Variants in SLC35F1 observed in about 807,000 individuals in gnomAD.
The protein encoded by SLC35F1 is solute carrier family 35 member F1.
SLC35F1 carries 14 observed loss-of-function variants against 48.7 expected under a neutral mutation model. That is an observed-to-expected ratio of 0.29 (90% CI 0.19 to 0.45). The LOEUF is 0.45. SLC35F1 is among the 20% of genes least tolerant of loss of function. The pLI is 1.00. For synonymous variants in SLC35F1, 190 were observed against 202.2 expected (o/e 0.94, Z 0.51); for missense variants, 404 against 500.0 (o/e 0.81, Z 1.83).
At chr6:118,046,207 TC>T (rs1014000523) in intron 1 of SLC35F1, among the ~76,000 whole-genome samples, 4 of 152,156 alleles carry the variant, frequency 2.6e-5, no homozygotes, top group African/African-American at 9.7e-5. Context: ...CATATACTAT[TC>T]ATTACCAAGT....
At chr6:118,078,285 C>G (rs12206104) in intron 1 of SLC35F1, among the ~76,000 whole-genome samples, 28,265 of 152,032 alleles carry the variant, frequency 0.19, 2,906 homozygotes, top group East Asian at 0.29. Flanking sequence ...GATAGAAAAC[C>G]TCATAGACCA....
At chr6:118,140,731 G>A (rs957245908) in intron 1 of SLC35F1, among the ~76,000 whole-genome samples, 5 of 151,976 alleles carry the variant, frequency 3.3e-5, no homozygotes, top group Non-Finnish European at 5.9e-5. Context: ...ACCTTCCAGT[G>A]GGACAAGATG....
chr6:118,099,019 C>G (rs2114360420), intron 1 of SLC35F1, among the ~76,000 whole-genome samples: 1 of 152,182 alleles, frequency 6.6e-6, no homozygotes, highest in African/African-American at 2.4e-5. Context: ...GCCGTAGATC[C>G]AAGGGAGAAA....
intron 2 of SLC35F1, among the ~76,000 whole-genome samples, chr6:118,156,079 A>G (rs990462261): frequency 6.6e-6 from 1 of 152,200 alleles, no homozygotes; most frequent in Non-Finnish European, 1.5e-5. Context: ...GGTGCTATCA[A>G]TGCTTGTTTT....
intron 1 of SLC35F1, among the ~76,000 whole-genome samples, chr6:118,004,790 C>T (rs1777152306): frequency 2.0e-5 from 3 of 151,922 alleles, no homozygotes. Flanking sequence ...CTCAAGTGAT[C>T]CTCCCGCCTT....
intron 4 of SLC35F1, among the ~76,000 whole-genome samples, chr6:118,271,009 T>C (rs1318128340): frequency 1.3e-5 from 2 of 152,208 alleles, no homozygotes; most frequent in Non-Finnish European, 2.9e-5. Context: ...TTATCAAAGA[T>C]GTTAGATGCC....
chr6:118,314,692 T>C lies in SLC35F1; in HGVS notation c.*440T>C. On this transcript the variant is annotated 3_prime_UTR_variant, in exon 8 of 8. Transcript: ENST00000360388. ...CAATTCACTTTTTAAGAGTCATACT[T>C]TATTTTTTTGCACAGACTATATGAG... The C allele has an allele frequency of 5.1e-6, 1 of 196,326 alleles. No individual in the cohort carries two copies. The highest frequency in any genetic ancestry group is 1.1e-4 in the East Asian group (1 of 9,094). 12.2% of individuals were successfully genotyped at this position (196,326 alleles called of 1,614,324 possible).
At chr6:117,964,091 T>G (rs925065845) in intron 1 of SLC35F1, among the ~76,000 whole-genome samples, 3 of 152,218 alleles carry the variant, frequency 2.0e-5, no homozygotes, top group Admixed American at 1.3e-4. Context: ...TTTCTGTTCT[T>G]GTGTTAGTTT....
At chr6:118,133,654 A>AT (rs1192380533) in intron 1 of SLC35F1, among the ~76,000 whole-genome samples, 2 of 152,238 alleles carry the variant, frequency 1.3e-5, no homozygotes, top group East Asian at 3.9e-4. Flanking sequence ...ATAGTTTTGA[A>AT]TTTTTTTCTC....
intron 1 of SLC35F1, among the ~76,000 whole-genome samples, chr6:117,955,127 T>C (rs774714760): frequency 4.6e-5 from 7 of 152,208 alleles, no homozygotes; most frequent in Non-Finnish European, 8.8e-5. Context: ...TTAAGTTGAC[T>C]AACATTTTTA....
chr6:117,929,195 C>T (rs1776068017), intron 1 of SLC35F1, among the ~76,000 whole-genome samples: 1 of 152,138 alleles, frequency 6.6e-6, no homozygotes, highest in African/African-American at 2.4e-5. Context: ...GCTATATAAA[C>T]CCCTAATTTT....
rs7750788 is a variant in SLC35F1, at chr6:118,144,968, A to C, written c.174-9477A>C. ...TTTAATAACAAATTTGTTGCGGTATAATTTACTTACCATACAATTTACCCA... is the reference window on the plus strand; with the variant it reads ...TTTAATAACAAATTTGTTGCGGTATCATTTACTTACCATACAATTTACCCA... On this transcript the variant is annotated intron_variant, in intron 1 of 7. Coordinates refer to ENST00000360388, the MANE Select transcript of SLC35F1 (RefSeq NM_001029858.4). Among the ~76,000 whole-genome samples, 386 of 152,088 alleles carry C rather than the reference A, an allele frequency of 2.5e-3. 2 individuals carry two copies. Among genetic ancestry groups the C allele is most frequent in the African/African-American group, 8.9e-3 (369 of 41,484 alleles).
At chr6:118,132,311 T>C (rs190747263) in intron 1 of SLC35F1, among the ~76,000 whole-genome samples, 10 of 152,312 alleles carry the variant, frequency 6.6e-5, no homozygotes, top group African/African-American at 2.2e-4. Context: ...GTGCAATGCA[T>C]GTTTGGCACA....
In SLC35F1 at chr6:118,000,260, G is replaced by T. The variant is rs1481729984; in HGVS notation, c.173+92361G>T. ...AAAAAGCTTATCTACCATGATCAAGGGGGCTTCATCCCTGTGATGCAAGGC... is the reference window on the plus strand; with the variant it reads ...AAAAAGCTTATCTACCATGATCAAGTGGGCTTCATCCCTGTGATGCAAGGC... On this transcript the variant is annotated intron_variant, in intron 1 of 7. Transcript: ENST00000360388. Among the ~76,000 whole-genome samples the T allele has an allele frequency of 5.9e-5, 9 of 152,198 alleles. No individual in the cohort carries two copies. The East Asian group carries it at 1.2e-3, about 20-fold the overall frequency.
At chr6:118,104,591 T>C (rs143105655) in intron 1 of SLC35F1, among the ~76,000 whole-genome samples, 204 of 152,286 alleles carry the variant, frequency 1.3e-3, no homozygotes, top group African/African-American at 4.6e-3. Context: ...AGAAGTTATA[T>C]CATAACCAAA....
At chr6:118,086,317 C>T (rs1318044901) in intron 1 of SLC35F1, among the ~76,000 whole-genome samples, 1 of 152,192 alleles carries the variant, frequency 6.6e-6, no homozygotes. Context: ...GTATTGTCTA[C>T]CTCTTCCACT....
chr6:118,234,308 G>A (rs997780282), intron 2 of SLC35F1, among the ~76,000 whole-genome samples: 1 of 152,200 alleles, frequency 6.6e-6, no homozygotes, highest in African/African-American at 2.4e-5. Flanking sequence ...CAGTAGGGTA[G>A]AAGTGTCACT....
chr6:117,907,529 A>C lies in SLC35F1; in HGVS notation c.-198A>C. The C allele has an allele frequency of 9.9e-6, 3 of 304,128 alleles. No individual in the cohort carries two copies. The highest frequency in any genetic ancestry group is 1.8e-5 in the Non-Finnish European group (3 of 168,902). The allele number at this position is 304,128 out of a possible 1,614,324, so 18.8% of individuals were successfully genotyped here. On this transcript the variant is annotated 5_prime_UTR_variant, in exon 1 of 8. Coordinates refer to ENST00000360388, the MANE Select transcript of SLC35F1 (RefSeq NM_001029858.4). ...CGGGCGCGAGGGTGCGCGCACTGGGACTGGAGAGGAGTGAGTGGCGGGCTG... is the reference window on the plus strand; with the variant it reads ...CGGGCGCGAGGGTGCGCGCACTGGGCCTGGAGAGGAGTGAGTGGCGGGCTG...
intron 1 of SLC35F1, among the ~76,000 whole-genome samples, chr6:117,935,624 T>G (rs954914214): frequency 6.4e-4 from 97 of 152,282 alleles, no homozygotes; most frequent in African/African-American, 2.3e-3. Flanking sequence ...AGACTACTAC[T>G]TCAGCACTAT....
Sources: gnomAD v4.1 joint callset for allele counts (sites outside exome capture counted in the v4.1 genomes callset) on GRCh38, gnomAD v4.1.1 for gene constraint, MANE v1.5 for transcripts, NCBI Gene and HGNC (gene_info 2026-07-23, HGNC 2026-07-21) for gene names.